TFCP2: variants seen among roughly 807,000 people sequenced by gnomAD.
TFCP2 encodes transcription factor CP2.
A neutral mutation model predicts 73.4 loss-of-function variants in TFCP2; 33 were observed. The observed-to-expected ratio is 0.45, with a 90% CI of 0.34 to 0.60. TFCP2 has a LOEUF of 0.60. Among genes scored for constraint, TFCP2 ranks in the 20% least tolerant of loss-of-function variants. TFCP2 has a pLI of 0.01. For missense variants in TFCP2, 352 were observed against 604.0 expected, an observed-to-expected ratio of 0.58 and a Z score of 4.37; for synonymous variants, 193 against 211.6, an observed-to-expected ratio of 0.91 and a Z score of 0.76.
intron 1 of TFCP2, among the ~76,000 whole-genome samples, chr12:51,134,268 T>C (rs1053694738): frequency 6.6e-6 from 1 of 152,176 alleles, no homozygotes; most frequent in Non-Finnish European, 1.5e-5. Flanking sequence ...CAATACTTAC[T>C]AATTTTGGTA....
chr12:51,168,082 C>T (rs1159711211), intron 1 of TFCP2, among the ~76,000 whole-genome samples: 1 of 85,938 alleles, frequency 1.2e-5, no homozygotes, highest in Admixed American at 1.2e-4. Context: ...AATAATAAGA[C>T]AAAATTAAAA....
chr12:51,145,567 C>CAAAAAA (rs59778550), intron 1 of TFCP2, among the ~76,000 whole-genome samples: 1 of 49,152 alleles, frequency 2.0e-5, no homozygotes, highest in African/African-American at 8.4e-5. Context: ...AAGACTATCT[C>CAAAAAA]AAAAAAAAAA....
intron 1 of TFCP2, among the ~76,000 whole-genome samples, chr12:51,157,897 C>A (rs7958064): frequency 0.16 from 24,734 of 151,780 alleles, 2,389 homozygotes; most frequent in South Asian, 0.27. Context: ...ACGCTGGTCT[C>A]GAACTCCTGA....
chr12:51,107,718 T>G (rs1390076175), intron 6 of TFCP2, among the ~76,000 whole-genome samples: 1 of 151,924 alleles, frequency 6.6e-6, no homozygotes, highest in Non-Finnish European at 1.5e-5. Context: ...ATTATTCTCC[T>G]GCCTCAGCCT....
intron 1 of TFCP2, among the ~76,000 whole-genome samples, chr12:51,167,217 C>T (rs1408430442): frequency 6.6e-6 from 1 of 152,040 alleles, no homozygotes; most frequent in East Asian, 1.9e-4. Context: ...TTAAATAAAT[C>T]TAATTAAGAT....
intron 1 of TFCP2, among the ~76,000 whole-genome samples, chr12:51,168,545 C>T (rs1941797871): frequency 6.6e-6 from 1 of 152,100 alleles, no homozygotes. Flanking sequence ...AGTGCAGAGG[C>T]ACAATCACAG....
chr12:51,170,743 G>A (rs1056859319), intron 1 of TFCP2, among the ~76,000 whole-genome samples: 6 of 151,236 alleles, frequency 4.0e-5, no homozygotes, highest in African/African-American at 7.3e-5. Flanking sequence ...GCAATGATGC[G>A]ATCTCTGCTC....
chr12:51,099,017 A>C, intron 12 of TFCP2, 99 bp from the exon 13 acceptor site: 1 of 1,296,858 alleles, frequency 7.7e-7, no homozygotes. Context: ...AGGACTCAGA[A>C]ATCACACTGC....
intron 1 of TFCP2, 33 bp from the exon 2 acceptor site, chr12:51,118,805 T>G (rs1940593296): frequency 1.2e-6 from 2 of 1,610,258 alleles, no homozygotes. Flanking sequence ...CATTAATACC[T>G]GGCAATGGTG....
In TFCP2 at chr12:51,094,581, T is replaced by C. The variant is rs1051656509; in HGVS notation, c.*660A>G. 1.3e-5 allele frequency: 2 copies of C among 152,230 alleles called. No individual in the cohort carries two copies. The highest frequency in any genetic ancestry group is 4.8e-5 in the African/African-American group (2 of 41,462). The allele number at this position is 152,230 out of a possible 1,614,324, so 9.4% of individuals were successfully genotyped here. A position where few individuals can be genotyped will look rare whatever the true frequency, so the allele number is the denominator to read the frequency against. On this transcript the variant is annotated 3_prime_UTR_variant, in exon 15 of 15. Coordinates refer to ENST00000257915, the MANE Select transcript of TFCP2 (RefSeq NM_005653.5). ...ACTGTGTGTCTCCATTTCCTCATCT[T>C]CGGTTGGGGGTCACTATAGCACCTA... is the stretch of plus-strand genomic sequence containing the variant.
chr12:51,106,881 G>A (rs1445142313), intron 7 of TFCP2: 3 of 492,880 alleles, frequency 6.1e-6, no homozygotes, highest in Admixed American at 3.8e-5. Context: ...CAGAACCAAA[G>A]GCAGCACACA....
chr12:51,093,977 T>C lies in TFCP2; in HGVS notation c.*1264A>G, dbSNP rs1379382952. 4 of 127,642 alleles carry C rather than the reference T, an allele frequency of 3.1e-5. No individual in the cohort carries two copies. Among genetic ancestry groups the C allele is most frequent in the African/African-American group, 1.4e-4 (4 of 29,296 alleles). The allele number at this position is 127,642 out of a possible 1,614,324, so 7.9% of individuals were successfully genotyped here. ...AGAAAGAAAACCCATGATGTTACAC[T>C]TACACACTTACACACACACACACAC... On this transcript the variant is annotated 3_prime_UTR_variant, in exon 15 of 15. Transcript: ENST00000257915.
chr12:51,125,897 A>C (rs1402843938), intron 1 of TFCP2, among the ~76,000 whole-genome samples: 1 of 152,144 alleles, frequency 6.6e-6, no homozygotes, highest in African/African-American at 2.4e-5. Flanking sequence ...GCAGATCAAG[A>C]CCATCCTGGT....
chr12:51,170,736 A>G (rs1941843318), intron 1 of TFCP2, among the ~76,000 whole-genome samples: 3 of 151,612 alleles, frequency 2.0e-5, no homozygotes, highest in Admixed American at 6.6e-5. Context: ...CTGGAGTGCA[A>G]TGATGCGATC....
chr12:51,129,489 C>G (rs12227973), intron 1 of TFCP2, among the ~76,000 whole-genome samples: 8,479 of 143,510 alleles, frequency 0.059, 475 homozygotes, highest in East Asian at 0.18. Flanking sequence ...CACTCCAGCT[C>G]GGGCGACAGT....
Position 51,156,577 on chromosome 12 carries a change from G to A in TFCP2, c.122+15724C>T, listed in dbSNP as rs114129510. Among the ~76,000 whole-genome samples the A allele has an allele frequency of 2.2e-3, 331 of 152,296 alleles. 1 individual carries two copies. Among genetic ancestry groups the A allele is most frequent in the African/African-American group, 7.3e-3 (305 of 41,564 alleles). On this transcript the variant is annotated intron_variant, in intron 1 of 14. Coordinates refer to ENST00000257915, the MANE Select transcript of TFCP2 (RefSeq NM_005653.5). Reference sequence around the variant, plus strand: ...AAAGATAATGCTGACTTCACAGAATGAATTAGTGAGTGTTCTTTCCTCTTC... The same window carrying A: ...AAAGATAATGCTGACTTCACAGAATAAATTAGTGAGTGTTCTTTCCTCTTC...
chr12:51,161,679 C>CAA (rs148272600), intron 1 of TFCP2, among the ~76,000 whole-genome samples: 14 of 127,784 alleles, frequency 1.1e-4, no homozygotes, highest in Non-Finnish European at 1.6e-4. Flanking sequence ...GACTCTGTCT[C>CAA]AAAAAAAATA....
chr12:51,163,224 T>C (rs185112941), intron 1 of TFCP2, among the ~76,000 whole-genome samples: 247 of 151,880 alleles, frequency 1.6e-3, no homozygotes, highest in Non-Finnish European at 2.8e-3. Context: ...TGCCTGAATC[T>C]GGAAAGTGAA....
At chr12:51,115,162 C>G (rs553908652) in intron 4 of TFCP2, among the ~76,000 whole-genome samples, 2 of 142,330 alleles carry the variant, frequency 1.4e-5, no homozygotes, top group African/African-American at 5.2e-5. Flanking sequence ...CTCTGTCACC[C>G]AGGCTGGAGT....
Sources: allele counts gnomAD v4.1 joint callset (sites outside exome capture counted in the v4.1 genomes callset), GRCh38; gene constraint gnomAD v4.1.1; transcripts MANE v1.5; gene names NCBI Gene and HGNC (gene_info 2026-07-23, HGNC 2026-07-21).